RGL1: variants seen among roughly 807,000 people sequenced by gnomAD.
RGL1 encodes ral guanine nucleotide dissociation stimulator-like 1.
In RGL1, 24 loss-of-function variants were observed where a neutral mutation model predicts 95.2. The observed-to-expected ratio is 0.25, with a 90% CI of 0.18 to 0.35. RGL1 has a LOEUF of 0.35. RGL1 is among the 10% of genes least tolerant of loss of function. The probability of loss-of-function intolerance (pLI) is 1.00; values close to 1 mark genes in which losing one functional copy is unlikely to be tolerated. For synonymous variants in RGL1, 329 were observed against 344.9 expected, an observed-to-expected ratio of 0.95 and a Z score of 0.51; for missense variants, 715 against 936.3, an observed-to-expected ratio of 0.76 and a Z score of 3.08.
In RGL1 at chr1:183,897,895, A is replaced by G; in HGVS notation, c.1228A>G (p.Met410Val). The change falls in exon 10 of 18, where the codon ATG becomes GTG. Residue 410 changes from methionine (M) to valine (V), a missense_variant and splice_region_variant. This residue lies in a region of RGL1 where 381 missense variants were observed against 484.8 expected (regional missense o/e 0.79). Transcript: ENST00000360851. ...TQRRLQLQKD[M>V]GVMQGTVPYL... is the part of the protein sequence containing the mutation. ...GAGGCGGCTGCAGCTCCAGAAGGAC[A>G]TGGTATGTCTGGCCCTCGTCTTCCC... is the stretch of plus-strand genomic sequence containing the variant. 6.2e-7 allele frequency: 1 copy of G among 1,613,358 alleles called. No homozygotes were observed. The highest frequency in any genetic ancestry group is 8.5e-7 in the Non-Finnish European group (1 of 1,179,304).
At chr1:183,664,572 A>G (rs557631605) in intron 1 of RGL1, among the ~76,000 whole-genome samples, 1 of 110,272 alleles carries the variant, frequency 9.1e-6, no homozygotes, top group Non-Finnish European at 2.0e-5. Context: ...CAGAGGGCAT[A>G]CTTTTTTTTT....
chr1:183,860,993 G>A (rs56343032), intron 3 of RGL1, among the ~76,000 whole-genome samples: 3,096 of 152,224 alleles, frequency 0.02, 114 homozygotes, highest in African/African-American at 0.072. Flanking sequence ...TGACTGTCAT[G>A]GCTGAAATCC....
chr1:183,888,801 G>C (rs953099930), intron 8 of RGL1, among the ~76,000 whole-genome samples: 1 of 152,126 alleles, frequency 6.6e-6, no homozygotes, highest in African/African-American at 2.4e-5. Context: ...AAGATTATTG[G>C]CTTTGGGGAT....
At chr1:183,728,819 A>G (rs1656459744) in intron 1 of RGL1, among the ~76,000 whole-genome samples, 1 of 152,228 alleles carries the variant, frequency 6.6e-6, no homozygotes, top group South Asian at 2.1e-4. Flanking sequence ...TCGAGAACCC[A>G]GAAATAGACG....
At chr1:183,862,176 T>C (rs151191150) in intron 3 of RGL1, among the ~76,000 whole-genome samples, 259 of 152,038 alleles carry the variant, frequency 1.7e-3, no homozygotes, top group African/African-American at 6.1e-3. Context: ...ATCTCGTCTC[T>C]ACAAAAAATA....
At chr1:183,822,911 T>C (rs1311479929) in intron 2 of RGL1, among the ~76,000 whole-genome samples, 8 of 152,212 alleles carry the variant, frequency 5.3e-5, no homozygotes, top group Admixed American at 5.2e-4. Context: ...TAGGGTCTTT[T>C]CTCTTGCTGT....
At chr1:183,786,573 A>G (rs1032981458) in intron 2 of RGL1, among the ~76,000 whole-genome samples, 1 of 152,218 alleles carries the variant, frequency 6.6e-6, no homozygotes, top group African/African-American at 2.4e-5. Flanking sequence ...TGGCACTCAA[A>G]AAGTTTCAGA....
At chr1:183,768,461 C>CTT (rs71130639) in intron 2 of RGL1, among the ~76,000 whole-genome samples, 22,350 of 83,532 alleles carry the variant, frequency 0.27, 1,924 homozygotes, top group Non-Finnish European at 0.34. Flanking sequence ...CTTTAGATAA[C>CTT]TTTTTTTTTT....
In RGL1 at chr1:183,849,482, AGTTT is replaced by A. The variant is rs542203896; in HGVS notation, c.347+1709_347+1712del. Among the ~76,000 whole-genome samples, 281 of 99,382 alleles carry A rather than the reference AGTTT, an allele frequency of 2.8e-3. 1 individual carries two copies. The highest frequency in any genetic ancestry group is 4.4e-3 in the Non-Finnish European group (228 of 52,190). 65.2% of individuals were successfully genotyped at this position (99,382 alleles called of 152,430 possible). A position where few individuals can be genotyped will look rare whatever the true frequency, so the allele number is the denominator to read the frequency against. ...GACATTTAAGTTTTCTCCAGTTTTT[AGTTT>A]TTTTTTTTTTTTTTTTTTTTGTTGA... On this transcript the variant is annotated intron_variant, in intron 3 of 17. Transcript: ENST00000360851.
At chr1:183,745,068 A>C (rs369496474) in intron 2 of RGL1, among the ~76,000 whole-genome samples, 4 of 152,248 alleles carry the variant, frequency 2.6e-5, no homozygotes, top group East Asian at 3.9e-4. Context: ...AATATTGGCC[A>C]GTCTGTTTGT....
chr1:183,739,680 A>C (rs1657166628), intron 1 of RGL1, among the ~76,000 whole-genome samples: 1 of 152,160 alleles, frequency 6.6e-6, no homozygotes, highest in Non-Finnish European at 1.5e-5. Flanking sequence ...AGGATCTCAG[A>C]ATGCTTGAAG....
chr1:183,804,005 G>A (rs909495028), upstream of RGL1, among the ~76,000 whole-genome samples: 3 of 152,180 alleles, frequency 2.0e-5, no homozygotes, highest in African/African-American at 4.8e-5. Flanking sequence ...GGGATAACCT[G>A]GCTGAATGAC....
chr1:183,798,625 T>G (rs1454553253), intron 2 of RGL1, among the ~76,000 whole-genome samples: 2 of 152,104 alleles, frequency 1.3e-5, no homozygotes, highest in African/African-American at 4.8e-5. Context: ...TATTAGGCAC[T>G]GTGTTATAGA....
Position 183,866,013 on chromosome 1 carries a change from G to A in RGL1, c.365G>A (p.Ser122Asn), listed in dbSNP as rs1026897368. The A allele has an allele frequency of 1.5e-5, 25 of 1,613,688 alleles. No homozygotes were observed. The highest frequency in any genetic ancestry group is 4.0e-5 in the African/African-American group (3 of 74,906). ...CTCTACAGGTATGGAAACCTGACAAGCCCAAACTGTGAAGAAGATGGAAGC... is the reference window on the plus strand; with the variant it reads ...CTCTACAGGTATGGAAACCTGACAAACCCAAACTGTGAAGAAGATGGAAGC... Reference protein sequence around the residue: ...LLLDRYGNLTSPNCEEDGSQS... With the variant: ...LLLDRYGNLTNPNCEEDGSQS... The change falls in exon 4 of 18, where the codon AGC (serine) becomes AAC (asparagine). Residue 122 changes from serine to asparagine, a missense_variant. By Grantham distance (46) the Ser-to-Asn change is conservative. Around this residue, in one of 3 missense-constraint regions of RGL1, gnomAD observed 381 missense variants for 484.8 expected, o/e 0.79. Transcript: ENST00000360851.
At chr1:183,799,057 C>A (rs1454048514) in intron 2 of RGL1, among the ~76,000 whole-genome samples, 8 of 151,916 alleles carry the variant, frequency 5.3e-5, no homozygotes, top group Non-Finnish European at 1.0e-4. Context: ...CGCCCGCCAC[C>A]ATGCCTGGCT....
At chr1:183,886,197 T>C (rs868106318) in intron 7 of RGL1, among the ~76,000 whole-genome samples, 1 of 152,288 alleles carries the variant, frequency 6.6e-6, no homozygotes, top group Middle Eastern at 3.4e-3. Context: ...ATAATTTGCC[T>C]TGAGTCTTCA....
At chr1:183,679,207 CTTTGA>C (rs1188014134) in intron 1 of RGL1, among the ~76,000 whole-genome samples, 1 of 152,052 alleles carries the variant, frequency 6.6e-6, no homozygotes, top group African/African-American at 2.4e-5. Flanking sequence ...GCACACCAGT[CTTTGA>C]TTTAAGTATT....
At chr1:183,743,005 G>C (rs10797903) in intron 2 of RGL1, among the ~76,000 whole-genome samples, 69,255 of 151,780 alleles carry the variant, frequency 0.46, 16,908 homozygotes, top group East Asian at 0.8. Flanking sequence ...TAAAGCTAGA[G>C]GTTTTTATGT....
intron 2 of RGL1, among the ~76,000 whole-genome samples, chr1:183,835,460 A>G (rs1558237349): frequency 6.6e-6 from 1 of 152,176 alleles, no homozygotes; most frequent in Non-Finnish European, 1.5e-5. Flanking sequence ...AGTCTGTATT[A>G]CCCAGTAGTT....
Sources: gnomAD v4.1 joint callset for allele counts (sites outside exome capture counted in the v4.1 genomes callset) on GRCh38, gnomAD v4.1.1 for gene constraint, gnomAD v4.1.1 regional missense constraint, MANE v1.5 for transcripts, NCBI Gene and HGNC (gene_info 2026-07-23, HGNC 2026-07-21) for gene names.